The following KCNAB2 variants were observed in gnomAD, a reference collection of about 807,000 sequenced individuals.
The protein encoded by KCNAB2 is potassium voltage-gated channel subfamily A regulatory beta subunit 2.
In KCNAB2, 29 loss-of-function variants were observed where a neutral mutation model predicts 63.6. That is an observed-to-expected ratio of 0.46 (90% CI 0.34 to 0.62). KCNAB2 has a LOEUF of 0.62. Among genes scored for constraint, KCNAB2 ranks in the 20% least tolerant of loss-of-function variants. The pLI is 0.01. For synonymous variants in KCNAB2, 222 were observed against 224.2 expected (o/e 0.99, Z 0.09); for missense variants, 359 against 563.9 (o/e 0.64, Z 3.68).
In KCNAB2 at chr1:6,082,551, G is replaced by A. The variant is rs3747982; in HGVS notation, c.380+277G>A. Among the ~76,000 whole-genome samples, 9 of 152,250 alleles carry A rather than the reference G, an allele frequency of 5.9e-5. No individual in the cohort carries two copies. In the East Asian group the frequency reaches 1.7e-3, roughly 30 times the overall value. ...AGATGCTGTGCTGGGTGAGAGGCGC[G>A]ATGGAGCTGCTGTCCTGGGCTCTCC... On this transcript the variant is annotated intron_variant, in intron 5 of 15. Coordinates refer to ENST00000378083, the MANE Select transcript of KCNAB2 (RefSeq NM_001199862.2).
intron 15 of KCNAB2, chr1:6,098,181 G>C (rs1665808657): frequency 2.7e-6 from 3 of 1,121,096 alleles, no homozygotes; most frequent in South Asian, 2.9e-5. Context: ...CACGGACATG[G>C]AAGTCCAGCA....
In KCNAB2 at chr1:6,085,766, G is replaced by T. The variant is rs150185569; in HGVS notation, c.425+518G>T. On this transcript the variant is annotated intron_variant, in intron 6 of 15. Coordinates refer to ENST00000378083, the MANE Select transcript of KCNAB2 (RefSeq NM_001199862.2). ...ATCTTCGCGGCGTCTCAGCCTCTCCGGAGCTCACTGTTCCCATCTGTAAGA... is the reference window on the plus strand; with the variant it reads ...ATCTTCGCGGCGTCTCAGCCTCTCCTGAGCTCACTGTTCCCATCTGTAAGA... 5.5e-6 allele frequency: 5 copies of T among 909,312 alleles called. No homozygotes were observed. In the Admixed American group the frequency reaches 2.7e-4, roughly 49 times the overall value. The allele number at this position is 909,312 out of a possible 1,614,324, so 56.3% of individuals were successfully genotyped here.
upstream of KCNAB2, among the ~76,000 whole-genome samples, chr1:6,042,847 C>A (rs1275734264): frequency 2.9e-5 from 3 of 104,620 alleles, no homozygotes; most frequent in African/African-American, 1.2e-4. Context: ...CTCCCCACCC[C>A]CCCCCCCGTT....
At chr1:6,072,723 T>C (rs1162677803) in intron 2 of KCNAB2, 32 bp from the exon 3 acceptor site, 1 of 1,612,048 alleles carries the variant, frequency 6.2e-7, no homozygotes, top group South Asian at 1.1e-5. Context: ...CCTGCCTGGG[T>C]GCTGAGAACT....
rs1570882600 is a variant in KCNAB2 at position 6,023,505 on chromosome 1, A to G, written c.-52-17012A>G. On this transcript the variant is annotated intron_variant, in intron 1 of 16. Coordinates refer to the KCNAB2 transcript ENST00000341524. The stretch of plus-strand genomic sequence containing the variant: ...GCGGCCATCCTAATGGCTGCGAGGT[A>G]GTATCTCACTGTGGTTTTGATTTGC... Among the ~76,000 whole-genome samples the G allele has an allele frequency of 2.6e-5, 4 of 152,294 alleles. 1 individual carries two copies. The highest frequency in any genetic ancestry group is 2.6e-4 in the Admixed American group (4 of 15,300).
At chr1:6,043,447 A>C (rs549865942), upstream of KCNAB2, among the ~76,000 whole-genome samples, 1 of 152,230 alleles carries the variant, frequency 6.6e-6, no homozygotes, top group African/African-American at 2.4e-5. Context: ...AAGAACCTTC[A>C]TTTCCAGGTG....
At chr1:6,059,707 C>G (rs989179155) in intron 2 of KCNAB2, among the ~76,000 whole-genome samples, 2 of 152,258 alleles carry the variant, frequency 1.3e-5, no homozygotes, top group Admixed American at 1.3e-4. Context: ...GCATGGGAAA[C>G]AGCAGCAACT....
intron 1 of KCNAB2, among the ~76,000 whole-genome samples, chr1:6,046,488 G>A (rs1028397997): frequency 6.6e-6 from 1 of 152,212 alleles, no homozygotes; most frequent in East Asian, 1.9e-4. Flanking sequence ...CCGGAGACAC[G>A]GGCGTCTAGC....
At chr1:6,039,797 C>T (rs571235367) in intron 1 of KCNAB2, among the ~76,000 whole-genome samples, 69 of 152,336 alleles carry the variant, frequency 4.5e-4, no homozygotes, top group Admixed American at 2.0e-3. Flanking sequence ...GCTGTCGGCC[C>T]GAGGCTGCCC....
In KCNAB2 at chr1:6,100,864, C is replaced by CG. The variant is rs905864855; in HGVS notation, c.*2294dup. On this transcript the variant is annotated 3_prime_UTR_variant, in exon 16 of 16. Coordinates refer to ENST00000378083, the MANE Select transcript of KCNAB2 (RefSeq NM_001199862.2). ...GAAAGGGCAGAAGACCAAGGGCAGTCGGGGTCTAGAAAGGAGGGCGCTGGC... is the reference window on the plus strand; with the variant it reads ...GAAAGGGCAGAAGACCAAGGGCAGTCGGGGGTCTAGAAAGGAGGGCGCTGGC... 6.6e-6 allele frequency: 1 copy of CG among 152,220 alleles called. No individual in the cohort carries two copies. The highest frequency in any genetic ancestry group is 6.5e-5 in the Admixed American group (1 of 15,286). The allele number at this position is 152,220 out of a possible 1,614,324, so 9.4% of individuals were successfully genotyped here.
chr1:6,043,767 C>T (rs963340187), upstream of KCNAB2, among the ~76,000 whole-genome samples: 2 of 152,238 alleles, frequency 1.3e-5, no homozygotes, highest in Non-Finnish European at 2.9e-5. Flanking sequence ...TGCCCTGCCC[C>T]CATGCAGCTC....
At chr1:6,056,348 A>G (rs1661824598) in intron 2 of KCNAB2, among the ~76,000 whole-genome samples, 1 of 152,166 alleles carries the variant, frequency 6.6e-6, no homozygotes, top group Non-Finnish European at 1.5e-5. Flanking sequence ...CCCGGCCTAC[A>G]CTTCCCCATT....
chr1:6,098,365 T>G, intron 15 of KCNAB2, 120 bp from the exon 16 acceptor site: 1 of 1,494,250 alleles, frequency 6.7e-7, no homozygotes, highest in Non-Finnish European at 8.9e-7. Context: ...GGAGCCCAGA[T>G]GTGATGGGGC....
rs1664404074 is a variant in KCNAB2, at chr1:6,083,639, C to G, written c.380+1365C>G. Among the ~76,000 whole-genome samples the G allele has an allele frequency of 2.6e-5, 4 of 152,248 alleles. No individual in the cohort carries two copies. In the South Asian group the frequency reaches 8.3e-4, roughly 32 times the overall value. ...TGCGGTCCCTCTGTCCAGCTCAGAG[C>G]TGAGCCCCCGGTGGACGCCCATCAG... On this transcript the variant is annotated intron_variant, in intron 5 of 15. Coordinates refer to ENST00000378083, the MANE Select transcript of KCNAB2 (RefSeq NM_001199862.2).
chr1:6,048,985 G>A lies in KCNAB2; in HGVS notation c.-26-2526G>A, dbSNP rs573829137. 6.6e-5 allele frequency among the ~76,000 whole-genome samples: 10 copies of A among 152,358 alleles called. No individual in the cohort carries two copies. The South Asian group carries it at 1.4e-3, about 22-fold the overall frequency. On this transcript the variant is annotated intron_variant, in intron 1 of 15. Transcript: ENST00000378083. Reference sequence around the variant, plus strand: ...AGAGCGATTCTCCTGGAAGGCAGACGGCTTTCCATGCCAGGGTACCCGCCT... The same window carrying A: ...AGAGCGATTCTCCTGGAAGGCAGACAGCTTTCCATGCCAGGGTACCCGCCT...
At chr1:6,040,438 C>T (rs983742983) in intron 1 of KCNAB2, 1 of 768,400 alleles carries the variant, frequency 1.3e-6, no homozygotes, top group Non-Finnish European at 2.3e-6. Flanking sequence ...CTTTGTGATC[C>T]CAGAGTCTCC....
chr1:6,098,581 C>A lies in KCNAB2; in HGVS notation c.*7C>A. ...AAAGGACTACAGATCCTAAGCCGCC[C>A]CCGCCCGCCTGCTCGGACAGTTTCC... is the stretch of plus-strand genomic sequence containing the variant. On this transcript the variant is annotated 3_prime_UTR_variant, in exon 16 of 16. Transcript: ENST00000378083. 1 of 1,613,406 alleles carries A rather than the reference C, an allele frequency of 6.2e-7. No homozygotes were observed. The highest frequency in any genetic ancestry group is 8.5e-7 in the Non-Finnish European group (1 of 1,179,704).
In KCNAB2 at chr1:6,096,318, C is replaced by A. The variant is rs1571112124; in HGVS notation, c.949-318C>A. On this transcript the variant is annotated intron_variant, in intron 13 of 15. Transcript: ENST00000378083. The surrounding 1 kb of genome is among the most constrained non-coding windows in gnomAD (Gnocchi z 5.9). ...GGGCCACGGGTGGCAGCCGAGACCC[C>A]AGGCTGCCAAGTTTCCTAAGAGAAG... 9.3e-6 allele frequency: 4 copies of A among 430,202 alleles called. No homozygotes were observed. The highest frequency in any genetic ancestry group is 1.7e-5 in the Non-Finnish European group (4 of 228,746). The allele number at this position is 430,202 out of a possible 1,614,324, so 26.6% of individuals were successfully genotyped here.
At position 5,994,486 on chromosome 1, in the gene KCNAB2, G is replaced by A. The variant is rs1430454627; in HGVS notation, c.-53+1698G>A. Among the ~76,000 whole-genome samples, 1 of 152,188 alleles carries A rather than the reference G, an allele frequency of 6.6e-6. No individual in the cohort carries two copies. Reference sequence around the variant, plus strand: ...GTGTTCGGGCCGCAGCACATCCCTCGAGAGCAGCATGGTAGGGGCTTCCCT... The same window carrying A: ...GTGTTCGGGCCGCAGCACATCCCTCAAGAGCAGCATGGTAGGGGCTTCCCT... On this transcript the variant is annotated intron_variant, in intron 1 of 16. Transcript: ENST00000341524. This position sits in a 1 kb window ranked among gnomAD's most constrained non-coding sequence, Gnocchi z 5.4.
Sources: gnomAD v4.1 joint callset for allele counts (sites outside exome capture counted in the v4.1 genomes callset) on GRCh38, gnomAD v4.1.1 for gene constraint, Gnocchi (gnomAD v3.1) non-coding constraint, MANE v1.5 for transcripts, NCBI Gene and HGNC (gene_info 2026-07-23, HGNC 2026-07-21) for gene names.